Variants in DAAM1 observed in about 807,000 individuals in gnomAD.
DAAM1 encodes dishevelled associated activator of morphogenesis 1, also known as disheveled-associated activator of morphogenesis 1.
A neutral mutation model predicts 130.0 loss-of-function variants in DAAM1; 52 were observed. The observed-to-expected ratio is 0.40, with a 90% CI of 0.32 to 0.50. The LOEUF (loss-of-function observed/expected upper bound fraction) is 0.50. DAAM1 is among the 20% of genes least tolerant of loss of function. The pLI, the probability that DAAM1 is intolerant of heterozygous loss-of-function variation, is 0.61. For missense variants in DAAM1, 1,134 were observed against 1,303.8 expected, an observed-to-expected ratio of 0.87 and a Z score of 2.01; for synonymous variants, 452 against 444.5, an observed-to-expected ratio of 1.02 and a Z score of -0.21.
At chr14:59,230,109 C>T (rs1473269639) in intron 1 of DAAM1, among the ~76,000 whole-genome samples, 1 of 152,120 alleles carries the variant, frequency 6.6e-6, no homozygotes. Flanking sequence ...CACAACAGAT[C>T]CGTCATTTCT....
intron 2 of DAAM1, among the ~76,000 whole-genome samples, chr14:59,274,736 C>T (rs1047323401): frequency 2.0e-5 from 3 of 152,168 alleles, no homozygotes; most frequent in African/African-American, 7.2e-5. Flanking sequence ...TTAATATTCT[C>T]ATAGTGGTGA....
At chr14:59,273,556 T>G (rs1050674392) in intron 2 of DAAM1, among the ~76,000 whole-genome samples, 3 of 152,232 alleles carry the variant, frequency 2.0e-5, no homozygotes, top group Admixed American at 1.3e-4. Flanking sequence ...CTGGATAGTA[T>G]GGACCTACTT....
chr14:59,341,312 T>G (rs888776871), intron 16 of DAAM1, among the ~76,000 whole-genome samples: 3 of 152,216 alleles, frequency 2.0e-5, no homozygotes, highest in African/African-American at 7.2e-5. Context: ...TTCCATGAAC[T>G]ATGCTCAGGT....
chr14:59,337,964 A>G (rs1026620220), intron 15 of DAAM1, among the ~76,000 whole-genome samples: 1 of 152,218 alleles, frequency 6.6e-6, no homozygotes, highest in Non-Finnish European at 1.5e-5. Context: ...TCCTATTAAC[A>G]GTAGGAATAG....
chr14:59,370,849 C>T lies in DAAM1; in HGVS notation c.*1990C>T, dbSNP rs1887140982. ...TATGTATATTCTTTTCTATTTGTAG[C>T]AGGATAAATTTGGTCTGGCTCAGTT... On this transcript the variant is annotated 3_prime_UTR_variant, in exon 25 of 25. Coordinates refer to ENST00000360909, the MANE Select transcript of DAAM1 (RefSeq NM_001270520.2). 6.6e-6 allele frequency: 1 copy of T among 152,072 alleles called. No homozygotes were observed. The highest frequency in any genetic ancestry group is 2.1e-4 in the South Asian group (1 of 4,824). 9.4% of individuals were successfully genotyped at this position (152,072 alleles called of 1,614,324 possible).
chr14:59,315,644 A>G (rs1444474606), intron 4 of DAAM1, among the ~76,000 whole-genome samples: 2 of 152,238 alleles, frequency 1.3e-5, no homozygotes, highest in East Asian at 3.8e-4. Context: ...TTTAACTTGC[A>G]ATTGCTCTTA....
chr14:59,199,000 T>C (rs1888008783), intron 1 of DAAM1, among the ~76,000 whole-genome samples: 1 of 152,230 alleles, frequency 6.6e-6, no homozygotes, highest in Non-Finnish European at 1.5e-5. Flanking sequence ...TGGCACTGTG[T>C]ACTCATCAAA....
intron 2 of DAAM1, among the ~76,000 whole-genome samples, chr14:59,274,096 G>A (rs531532016): frequency 6.6e-6 from 1 of 152,070 alleles, no homozygotes; most frequent in East Asian, 1.9e-4. Flanking sequence ...TATGATTTTC[G>A]GGCTTATGGG....
At chr14:59,232,915 AG>A (rs1889158596) in intron 1 of DAAM1, among the ~76,000 whole-genome samples, 2 of 151,904 alleles carry the variant, frequency 1.3e-5, no homozygotes, top group Admixed American at 1.3e-4. Context: ...TTCCTGTGTT[AG>A]TTTGTTGAGG....
intron 1 of DAAM1, among the ~76,000 whole-genome samples, chr14:59,247,047 C>T (rs1281530705): frequency 4.6e-5 from 7 of 151,794 alleles, no homozygotes; most frequent in Admixed American, 3.9e-4. Flanking sequence ...GTCTTTAATC[C>T]ATTTTAAGTT....
At chr14:59,364,908 A>G (rs569935338) in intron 23 of DAAM1, among the ~76,000 whole-genome samples, 2 of 149,860 alleles carry the variant, frequency 1.3e-5, no homozygotes, top group Non-Finnish European at 3.0e-5. Context: ...CACCATTCAG[A>G]CCTCCACTGT....
intron 1 of DAAM1, among the ~76,000 whole-genome samples, chr14:59,200,471 A>G (rs974760548): frequency 6.6e-6 from 1 of 152,172 alleles, no homozygotes; most frequent in Non-Finnish European, 1.5e-5. Context: ...TCCTCCCCCA[A>G]ACAAGAATGT....
At chr14:59,348,005 AAACTC>A (rs140561534) in intron 17 of DAAM1, among the ~76,000 whole-genome samples, 5,373 of 152,300 alleles carry the variant, frequency 0.035, 289 homozygotes, top group African/African-American at 0.12. Context: ...ATTCATTACT[AAACTC>A]TAAATGTAAT....
rs370984076 is a variant in DAAM1 at position 59,330,490 on chromosome 14, T to C, written c.1373-11T>C. ...TCTCCTGTTTTCATGTCCAATTGTT[T>C]TCTCGTGTAGAGCACAATGAGCTAC... On this transcript the variant is annotated splice_polypyrimidine_tract_variant and intron_variant, in intron 12 of 24. Coordinates refer to ENST00000360909, the MANE Select transcript of DAAM1 (RefSeq NM_001270520.2). 28 of 1,571,394 alleles carry C rather than the reference T, an allele frequency of 1.8e-5. No individual in the cohort carries two copies. The highest frequency in any genetic ancestry group is 2.3e-5 in the Non-Finnish European group (27 of 1,161,954).
chr14:59,331,099 A>G lies in DAAM1; in HGVS notation c.1561-110A>G, dbSNP rs1397221187. The G allele has an allele frequency of 4.7e-6, 7 of 1,504,630 alleles. No individual in the cohort carries two copies. In the African/African-American group the frequency reaches 8.4e-5, roughly 18 times the overall value. The allele number at this position is 1,504,630 out of a possible 1,614,324, so 93.2% of individuals were successfully genotyped here. Reference sequence around the variant, plus strand: ...TACCGATCCTTTAAACATTCTCAGAAGGGTGAATTTCTCTATAATAAACAT... The same window carrying G: ...TACCGATCCTTTAAACATTCTCAGAGGGGTGAATTTCTCTATAATAAACAT... On this transcript the variant is annotated intron_variant, in intron 13 of 24. Coordinates refer to ENST00000360909, the MANE Select transcript of DAAM1 (RefSeq NM_001270520.2).
At chr14:59,291,462 A>G (rs1347804758) in intron 3 of DAAM1, 156 bp downstream of exon 3, 2 of 579,808 alleles carry the variant, frequency 3.4e-6, no homozygotes, top group Non-Finnish European at 5.9e-6. Context: ...GCCAGTGTCA[A>G]TTCCCTGGAT....
chr14:59,346,165 G>A (rs1033173483), intron 16 of DAAM1, among the ~76,000 whole-genome samples: 9 of 148,578 alleles, frequency 6.1e-5, no homozygotes, highest in South Asian at 4.3e-4. Flanking sequence ...CTGGAGGGAT[G>A]CAGTTATGTA....
intron 15 of DAAM1, chr14:59,338,494 G>A: frequency 6.5e-7 from 1 of 1,530,018 alleles, no homozygotes. Context: ...GTTATCCAGG[G>A]TTTTGTTTTT....
intron 19 of DAAM1, among the ~76,000 whole-genome samples, 183 bp downstream of exon 19, chr14:59,354,147 G>T (rs540228456): frequency 6.6e-6 from 1 of 150,870 alleles, no homozygotes; most frequent in Admixed American, 6.6e-5. Flanking sequence ...TGCAAGCTCC[G>T]CCTCCCAGGT....
Sources: allele counts gnomAD v4.1 joint callset (sites outside exome capture counted in the v4.1 genomes callset), GRCh38; gene constraint gnomAD v4.1.1; transcripts MANE v1.5; gene names NCBI Gene and HGNC (gene_info 2026-07-23, HGNC 2026-07-21).